Variants in NRP1 observed in about 807,000 individuals in gnomAD.
NRP1 encodes the protein neuropilin-1.
A neutral mutation model predicts 106.7 loss-of-function variants in NRP1; 35 were observed. That is an observed-to-expected ratio of 0.33 (90% confidence interval 0.25 to 0.43). NRP1 has a LOEUF of 0.43. Ranked by LOEUF, NRP1 falls within the 20% of genes least tolerant of loss-of-function variation. NRP1 has a pLI of 1.00. For synonymous variants in NRP1, 437 were observed against 417.9 expected (o/e 1.05, Z -0.56); for missense variants, 1,024 against 1,170.4 (o/e 0.87, Z 1.83).
intron 7 of NRP1, among the ~76,000 whole-genome samples, chr10:33,225,855 G>A (rs545291561): frequency 3.9e-4 from 60 of 152,344 alleles, no homozygotes; most frequent in African/African-American, 1.4e-3. Context: ...ATCCCACGCA[G>A]AATCTGTGTC....
intron 6 of NRP1, among the ~76,000 whole-genome samples, chr10:33,228,096 A>AATT (rs1839813190): frequency 6.6e-6 from 1 of 152,132 alleles, no homozygotes; most frequent in African/African-American, 2.4e-5. Flanking sequence ...ATTCCTATAA[A>AATT]ATTATTTGCT....
At chr10:33,282,265 G>A (rs1030424306) in intron 2 of NRP1, among the ~76,000 whole-genome samples, 10 of 152,114 alleles carry the variant, frequency 6.6e-5, no homozygotes, top group Non-Finnish European at 1.2e-4. Flanking sequence ...TTGGTATGGT[G>A]GAGGCACTAG....
At chr10:33,278,117 A>G (rs1177080611) in intron 2 of NRP1, among the ~76,000 whole-genome samples, 1 of 152,162 alleles carries the variant, frequency 6.6e-6, no homozygotes, top group Non-Finnish European at 1.5e-5. Context: ...TACGTTGTCG[A>G]CACTGTCAGG....
intron 6 of NRP1, among the ~76,000 whole-genome samples, chr10:33,239,051 G>A (rs1157112259): frequency 1.3e-5 from 2 of 151,978 alleles, no homozygotes; most frequent in Non-Finnish European, 2.9e-5. Context: ...AGCACTTTGG[G>A]AGGCTGAAAC....
intron 13 of NRP1, among the ~76,000 whole-genome samples, chr10:33,191,855 G>A (rs1316131342): frequency 6.6e-6 from 1 of 151,792 alleles, no homozygotes; most frequent in Non-Finnish European, 1.5e-5. Context: ...GTGTATGCCT[G>A]TAATCCCAGG....
chr10:33,263,704 A>G lies in NRP1; in HGVS notation c.600T>C (p.Pro200=). ...ESFDLEPDSN[P]PGGMFCRYDR... is the part of the protein sequence containing the mutation. ...CGTAGCGACAGAACATCCCCCCTGG[A>G]GGATTTGAGTCAGGCTCCAGGTCAA... is the stretch of plus-strand genomic sequence containing the variant. Residue 200 remains proline (P), a synonymous_variant, in exon 4 of 17, where the codon CCT becomes CCC. Transcript: ENST00000374867. The G allele has an allele frequency of 6.2e-7, 1 of 1,614,140 alleles. No homozygotes were observed. The highest frequency in any genetic ancestry group is 1.7e-5 in the Admixed American group (1 of 60,016).
chr10:33,300,564 A>G (rs1845731591), intron 2 of NRP1, among the ~76,000 whole-genome samples: 1 of 152,144 alleles, frequency 6.6e-6, no homozygotes, highest in Non-Finnish European at 1.5e-5. Context: ...AAAGGAAAAT[A>G]AATCTTGGGG....
intron 4 of NRP1, among the ~76,000 whole-genome samples, chr10:33,260,772 T>C (rs1280105849): frequency 6.6e-6 from 1 of 152,144 alleles, no homozygotes; most frequent in Non-Finnish European, 1.5e-5. Context: ...TTCTTCAAAG[T>C]CAATTTGAAT....
At chr10:33,305,087 G>A (rs1013977539) in intron 2 of NRP1, among the ~76,000 whole-genome samples, 1 of 152,228 alleles carries the variant, frequency 6.6e-6, no homozygotes, top group Non-Finnish European at 1.5e-5. Flanking sequence ...CACATGGGGA[G>A]GAGAATGTGA....
chr10:33,254,328 G>T, intron 5 of NRP1, 134 bp from the exon 6 acceptor site: 1 of 685,746 alleles, frequency 1.5e-6, no homozygotes, highest in Non-Finnish European at 2.4e-6. Context: ...GGACTTATTG[G>T]AATATAGCAC....
chr10:33,316,060 T>C (rs1186947991), intron 2 of NRP1, among the ~76,000 whole-genome samples: 3 of 152,080 alleles, frequency 2.0e-5, no homozygotes, highest in Non-Finnish European at 2.9e-5. Flanking sequence ...AATGGTTACT[T>C]CCTTAGGGAA....
At chr10:33,324,617 T>TCCAAAG (rs1554813957) in intron 2 of NRP1, among the ~76,000 whole-genome samples, 5,766 of 152,270 alleles carry the variant, frequency 0.038, 353 homozygotes, top group African/African-American at 0.13. Context: ...TTTCACTGTC[T>TCCAAAG]ATGTTCAAGG....
rs1554788780 is a variant in NRP1 at position 33,237,487 on chromosome 10, G to GCGCGCGCACGCACA, written c.982-11199_982-11198insTGTGCGTGCGCGCG. Among the ~76,000 whole-genome samples the GCGCGCGCACGCACA allele has an allele frequency of 1.8e-4, 26 of 144,852 alleles. No individual in the cohort carries two copies. In the South Asian group the frequency reaches 3.1e-3, roughly 17 times the overall value. On this transcript the variant is annotated intron_variant, in intron 6 of 16. Coordinates refer to ENST00000374867, the MANE Select transcript of NRP1 (RefSeq NM_003873.7). ...CGGCAGAAGAAACACACATGCGCGC[G>GCGCGCGCACGCACA]CACACACACACACACACACACACAC...
chr10:33,315,091 C>A (rs945129319), intron 2 of NRP1, among the ~76,000 whole-genome samples: 4 of 152,196 alleles, frequency 2.6e-5, no homozygotes, highest in Admixed American at 1.3e-4. Flanking sequence ...ACTCAGCAAT[C>A]AGGACGTATG....
chr10:33,203,011 A>G lies in NRP1; in HGVS notation c.1760-16T>C, dbSNP rs1197515440. ...GCTGTAGGGGCTGAAACAAGATCCAAGGATTATTATCTCACACCTTGGAAA... is the reference window on the plus strand; with the variant it reads ...GCTGTAGGGGCTGAAACAAGATCCAGGGATTATTATCTCACACCTTGGAAA... On this transcript the variant is annotated splice_polypyrimidine_tract_variant and intron_variant, in intron 10 of 16. Transcript: ENST00000374867. 3 of 1,603,112 alleles carry G rather than the reference A, an allele frequency of 1.9e-6. No homozygotes were observed. Among genetic ancestry groups the G allele is most frequent in the South Asian group, 1.1e-5 (1 of 88,860 alleles).
chr10:33,261,422 A>G (rs1842564495), intron 4 of NRP1, among the ~76,000 whole-genome samples: 1 of 152,216 alleles, frequency 6.6e-6, no homozygotes, highest in African/African-American at 2.4e-5. Context: ...AAATGTTCCA[A>G]CTATTGTTAC....
intron 2 of NRP1, among the ~76,000 whole-genome samples, chr10:33,292,254 T>C (rs1352979803): frequency 6.6e-6 from 1 of 152,168 alleles, no homozygotes; most frequent in East Asian, 1.9e-4. Flanking sequence ...CTTAAACTTT[T>C]CCATAAACTT....
At chr10:33,255,288 C>A (rs7096016) in intron 5 of NRP1, among the ~76,000 whole-genome samples, 14,748 of 152,126 alleles carry the variant, frequency 0.097, 1,577 homozygotes, top group African/African-American at 0.27. Context: ...AAATACAAAT[C>A]AGATTTTGAA....
chr10:33,259,954 A>C (rs1048627981), intron 4 of NRP1, among the ~76,000 whole-genome samples: 11 of 152,118 alleles, frequency 7.2e-5, no homozygotes, highest in African/African-American at 2.4e-4. Flanking sequence ...TCTTGGGCCC[A>C]AGTGATCCTC....
Sources: allele counts gnomAD v4.1 joint callset (sites outside exome capture counted in the v4.1 genomes callset), GRCh38; gene constraint gnomAD v4.1.1; transcripts MANE v1.5; gene names NCBI Gene and HGNC (gene_info 2026-07-23, HGNC 2026-07-21).